The following PCCA variants were observed in gnomAD, a reference collection of about 807,000 sequenced individuals.
PCCA encodes propionyl-CoA carboxylase alpha chain, mitochondrial.
In PCCA, 74 loss-of-function variants were observed where a neutral mutation model predicts 101.3. The observed-to-expected ratio is 0.73, with a 90% CI of 0.61 to 0.89. The LOEUF (loss-of-function observed/expected upper bound fraction) is 0.89. Among genes scored for constraint, PCCA ranks in the 40% least tolerant of loss-of-function variants. PCCA has a pLI of 0.00. For missense variants in PCCA, 891 were observed against 907.0 expected, an observed-to-expected ratio of 0.98 and a Z score of 0.23; for synonymous variants, 294 against 313.6, an observed-to-expected ratio of 0.94 and a Z score of 0.66.
chr13:100,366,378 A>G (rs920062564), intron 18 of PCCA, among the ~76,000 whole-genome samples: 1 of 152,132 alleles, frequency 6.6e-6, no homozygotes, highest in Non-Finnish European at 1.5e-5. Flanking sequence ...TGCTTGGTGC[A>G]TAGTAGACAC....
intron 16 of PCCA, among the ~76,000 whole-genome samples, chr13:100,319,283 G>A (rs1348316393): frequency 2.6e-5 from 4 of 152,046 alleles, no homozygotes; most frequent in African/African-American, 4.8e-5. Flanking sequence ...CATTCTGTAG[G>A]TTGCCTGTTC....
intron 4 of PCCA, among the ~76,000 whole-genome samples, chr13:100,123,308 G>C (rs7322773): frequency 0.038 from 5,724 of 152,236 alleles, 355 homozygotes; most frequent in African/African-American, 0.13. Flanking sequence ...ACCCTCCTCG[G>C]CTTCCCAAAG....
chr13:100,361,865 C>T lies in PCCA; in HGVS notation c.1644-6607C>T, dbSNP rs575671091. On this transcript the variant is annotated intron_variant, in intron 18 of 23. Coordinates refer to ENST00000376285, the MANE Select transcript of PCCA (RefSeq NM_000282.4). ...TAAAATTAAACCTACATTTAGCCTA[C>T]GACCTCTACTCCCTAGATTTTTTAC... Among the ~76,000 whole-genome samples, 193 of 152,220 alleles carry T rather than the reference C, an allele frequency of 1.3e-3. 1 individual carries two copies. Among genetic ancestry groups the T allele is most frequent in the African/African-American group, 3.5e-3 (145 of 41,524 alleles).
At chr13:100,119,539 T>C (rs1203505115) in intron 4 of PCCA, among the ~76,000 whole-genome samples, 1 of 152,210 alleles carries the variant, frequency 6.6e-6, no homozygotes, top group Non-Finnish European at 1.5e-5. Context: ...CAAAATGAGA[T>C]TGCACACACA....
chr13:100,295,008 CATTG>C (rs1172122769), intron 12 of PCCA, among the ~76,000 whole-genome samples: 1 of 152,146 alleles, frequency 6.6e-6, no homozygotes, highest in Non-Finnish European at 1.5e-5. Flanking sequence ...TGAATATAAC[CATTG>C]TTTCCAAGGT....
intron 22 of PCCA, among the ~76,000 whole-genome samples, chr13:100,524,825 T>C (rs536482286): frequency 1.3e-5 from 2 of 152,176 alleles, no homozygotes; most frequent in African/African-American, 4.8e-5. Flanking sequence ...TGAGCTGAGA[T>C]TGTGCCGCTG....
At position 100,451,065 on chromosome 13, in the gene PCCA, A is replaced by T. The variant is rs756336809; in HGVS notation, c.1899+1760A>T. ...GGCTGGAGACCCAGGGGAGCGTTGC[A>T]GTTCAAGTCCAAAGACAGTCCACTG... On this transcript the variant is annotated intron_variant, in intron 21 of 23. Coordinates refer to ENST00000376285, the MANE Select transcript of PCCA (RefSeq NM_000282.4). Among the ~76,000 whole-genome samples the T allele has an allele frequency of 9.2e-5, 14 of 152,218 alleles. 1 individual carries two copies. The highest frequency in any genetic ancestry group is 4.4e-5 in the Non-Finnish European group (3 of 68,046).
At chr13:100,524,977 T>C (rs2153005626) in intron 22 of PCCA, among the ~76,000 whole-genome samples, 1 of 105,170 alleles carries the variant, frequency 9.5e-6, no homozygotes, top group Admixed American at 1.0e-4. Flanking sequence ...ATTCTGTCTC[T>C]AAGATGGATA....
At chr13:100,438,255 A>G (rs1347280149) in intron 20 of PCCA, among the ~76,000 whole-genome samples, 2 of 151,950 alleles carry the variant, frequency 1.3e-5, no homozygotes, top group Non-Finnish European at 2.9e-5. Flanking sequence ...CCCAGACTCA[A>G]CTGATCCTCC....
At chr13:100,520,408 G>A (rs1443881871) in intron 22 of PCCA, among the ~76,000 whole-genome samples, 2 of 152,144 alleles carry the variant, frequency 1.3e-5, no homozygotes, top group Admixed American at 6.5e-5. Flanking sequence ...AGCACTTTGG[G>A]AGGCCGAGGC....
chr13:100,252,155 TTTCTC>T (rs1374639025), intron 8 of PCCA, among the ~76,000 whole-genome samples: 1 of 152,224 alleles, frequency 6.6e-6, no homozygotes, highest in African/African-American at 2.4e-5. Context: ...TGGGGTGTCT[TTTCTC>T]TTCTGAGGTC....
At chr13:100,186,738 C>CAAAAAAAAAACAAAAAAAAAAAAA (rs2057304597) in intron 6 of PCCA, among the ~76,000 whole-genome samples, 1 of 84,078 alleles carries the variant, frequency 1.2e-5, no homozygotes, top group Non-Finnish European at 2.4e-5. Context: ...GATTCCATCT[C>CAAAAAAAAAACAAAAAAAAAAAAA]AAAAAAAAAA....
intron 18 of PCCA, among the ~76,000 whole-genome samples, chr13:100,361,688 G>A (rs971924672): frequency 6.6e-6 from 1 of 152,124 alleles, no homozygotes; most frequent in Non-Finnish European, 1.5e-5. Context: ...AAATATACAT[G>A]AAACTATGAT....
chr13:100,126,074 T>C (rs2049924057), intron 4 of PCCA, among the ~76,000 whole-genome samples: 1 of 152,190 alleles, frequency 6.6e-6, no homozygotes, highest in African/African-American at 2.4e-5. Context: ...AAGAAGTATG[T>C]TAAATGGCTC....
At chr13:100,282,972 T>C (rs1179674115) in intron 12 of PCCA, among the ~76,000 whole-genome samples, 2 of 152,048 alleles carry the variant, frequency 1.3e-5, no homozygotes, top group Non-Finnish European at 1.5e-5. Context: ...GGCTATTGGT[T>C]ATGTCCCCTT....
At chr13:100,448,700 A>G (rs576119678) in intron 20 of PCCA, among the ~76,000 whole-genome samples, 1 of 152,392 alleles carries the variant, frequency 6.6e-6, no homozygotes, top group Admixed American at 6.5e-5. Flanking sequence ...AATGAATAAT[A>G]AAGAGGTTAT....
chr13:100,516,916 T>C (rs1176316327), intron 22 of PCCA, among the ~76,000 whole-genome samples: 1 of 152,218 alleles, frequency 6.6e-6, no homozygotes, highest in East Asian at 1.9e-4. Context: ...TGTAGGTTCG[T>C]AAACAATATA....
intron 21 of PCCA, among the ~76,000 whole-genome samples, chr13:100,485,413 A>G (rs1596125242): frequency 6.6e-6 from 1 of 152,238 alleles, no homozygotes; most frequent in Non-Finnish European, 1.5e-5. Flanking sequence ...TTGAACGCAG[A>G]TAGCACAACC....
At position 100,144,899 on chromosome 13, in the gene PCCA, C is replaced by G. The variant is rs60402405; in HGVS notation, c.301-10080C>G. ...GGATCATGCCCCAGGAAACCCCAGTCTGAAACACAGATAGGAGAGGATGGC... is the reference window on the plus strand; with the variant it reads ...GGATCATGCCCCAGGAAACCCCAGTGTGAAACACAGATAGGAGAGGATGGC... On this transcript the variant is annotated intron_variant, in intron 4 of 23. Transcript: ENST00000376285. Among the ~76,000 whole-genome samples the G allele has an allele frequency of 4.0e-3, 602 of 152,322 alleles. 5 individuals carry two copies. Among genetic ancestry groups the G allele is most frequent in the African/African-American group, 0.014 (575 of 41,576 alleles).
Sources: allele counts gnomAD v4.1 joint callset (sites outside exome capture counted in the v4.1 genomes callset), GRCh38; gene constraint gnomAD v4.1.1; transcripts MANE v1.5; gene names NCBI Gene and HGNC (gene_info 2026-07-23, HGNC 2026-07-21).